LRP1B: variants seen among roughly 807,000 people sequenced by gnomAD.
The protein encoded by LRP1B is LDL receptor related protein 1B.
In LRP1B, 217 loss-of-function variants were observed where a neutral mutation model predicts 556.6. That is an observed-to-expected ratio of 0.39 (90% CI 0.35 to 0.44). The LOEUF (loss-of-function observed/expected upper bound fraction) is 0.44. LRP1B is among the 20% of genes least tolerant of loss of function. The probability of loss-of-function intolerance (pLI) is 1.00; values close to 1 mark genes in which losing one functional copy is unlikely to be tolerated. For synonymous variants in LRP1B, 2,047 were observed against 1,865.8 expected (o/e 1.10, Z -2.50); for missense variants, 5,053 against 5,620.8 (o/e 0.90, Z 3.23).
chr2:141,068,122 G>A (rs114387054), intron 7 of LRP1B, among the ~76,000 whole-genome samples: 5 of 151,806 alleles, frequency 3.3e-5, no homozygotes, highest in Non-Finnish European at 7.4e-5. Flanking sequence ...ATTATTTAAC[G>A]TTCTATTTTA....
intron 2 of LRP1B, among the ~76,000 whole-genome samples, chr2:141,786,335 T>C (rs1337038534): frequency 3.3e-5 from 5 of 151,900 alleles, no homozygotes; most frequent in Admixed American, 2.6e-4. Flanking sequence ...ATGGGGATTA[T>C]AGAGAAAGGA....
At chr2:141,000,355 A>C (rs1697381122) in intron 15 of LRP1B, among the ~76,000 whole-genome samples, 1 of 152,122 alleles carries the variant, frequency 6.6e-6, no homozygotes, top group Non-Finnish European at 1.5e-5. Context: ...GTACGATGTA[A>C]CTATGAGGTG....
intron 1 of LRP1B, among the ~76,000 whole-genome samples, chr2:141,922,959 C>A (rs998880030): frequency 6.6e-6 from 1 of 151,700 alleles, no homozygotes; most frequent in African/African-American, 2.4e-5. Context: ...ATTATCTGGG[C>A]GTAGTGGTGC....
At chr2:140,501,931 A>C in intron 54 of LRP1B, 57 bp from the exon 55 acceptor site, 1 of 1,234,196 alleles carries the variant, frequency 8.1e-7, no homozygotes, top group Non-Finnish European at 1.1e-6. Flanking sequence ...TTTATACTAC[A>C]GTTGTTGAAA....
At chr2:141,229,628 T>A (rs1002366336) in intron 5 of LRP1B, among the ~76,000 whole-genome samples, 188 bp from the exon 6 acceptor site, 3 of 152,212 alleles carry the variant, frequency 2.0e-5, no homozygotes, top group Admixed American at 6.5e-5. Context: ...GAAAAAAAAA[T>A]TCTGCAGCAC....
At chr2:142,095,478 C>T (rs1706328279) in intron 1 of LRP1B, among the ~76,000 whole-genome samples, 1 of 151,440 alleles carries the variant, frequency 6.6e-6, no homozygotes, top group African/African-American at 2.4e-5. Context: ...TGTGTGTATC[C>T]TTTAATTTTT....
chr2:141,946,952 G>A (rs1210999673), intron 1 of LRP1B, among the ~76,000 whole-genome samples: 1 of 152,094 alleles, frequency 6.6e-6, no homozygotes, highest in African/African-American at 2.4e-5. Context: ...TGTTTCTTAG[G>A]CTGCTAAGCA....
intron 41 of LRP1B, among the ~76,000 whole-genome samples, chr2:140,602,047 T>C (rs565410898): frequency 6.6e-6 from 1 of 152,216 alleles, no homozygotes; most frequent in Non-Finnish European, 1.5e-5. Flanking sequence ...CTTGATACTA[T>C]AGATCTGGAG....
At chr2:141,040,350 G>A (rs937321570) in intron 11 of LRP1B, among the ~76,000 whole-genome samples, 1 of 151,980 alleles carries the variant, frequency 6.6e-6, no homozygotes, top group African/African-American at 2.4e-5. Context: ...TAATTCATTA[G>A]TGTTATCTCA....
At chr2:141,160,043 C>T (rs1281690537) in intron 7 of LRP1B, among the ~76,000 whole-genome samples, 1 of 151,908 alleles carries the variant, frequency 6.6e-6, no homozygotes, top group East Asian at 1.9e-4. Flanking sequence ...ATAGGTGCAG[C>T]AAACCACCAT....
intron 1 of LRP1B, among the ~76,000 whole-genome samples, chr2:141,870,706 T>C (rs1698556972): frequency 6.6e-6 from 1 of 151,898 alleles, no homozygotes; most frequent in African/African-American, 2.4e-5. Context: ...ATATTTGCTG[T>C]AGGAGTCATA....
intron 31 of LRP1B, among the ~76,000 whole-genome samples, chr2:140,819,994 C>T (rs1191440718): frequency 6.6e-6 from 1 of 152,074 alleles, no homozygotes; most frequent in Non-Finnish European, 1.5e-5. Flanking sequence ...TCCATATAAA[C>T]CTTTAAATTA....
intron 1 of LRP1B, among the ~76,000 whole-genome samples, chr2:142,084,946 T>C (rs1309603689): frequency 6.6e-6 from 1 of 152,234 alleles, no homozygotes; most frequent in Non-Finnish European, 1.5e-5. Flanking sequence ...AGTGCATATC[T>C]GACCTTTTTA....
At chr2:141,183,813 C>T (rs1681117777) in intron 7 of LRP1B, among the ~76,000 whole-genome samples, 1 of 152,016 alleles carries the variant, frequency 6.6e-6, no homozygotes, top group South Asian at 2.1e-4. Flanking sequence ...CCCAAGTTCC[C>T]CAAAATATAT....
At chr2:142,029,161 GC>G (rs1229657357) in intron 1 of LRP1B, among the ~76,000 whole-genome samples, 1 of 151,768 alleles carries the variant, frequency 6.6e-6, no homozygotes, top group Non-Finnish European at 1.5e-5. Context: ...CAGTTTCCAG[GC>G]CCTATAACCC....
chr2:141,813,958 T>TA (rs1696443589), intron 1 of LRP1B, among the ~76,000 whole-genome samples: 1 of 152,110 alleles, frequency 6.6e-6, no homozygotes, highest in Admixed American at 6.6e-5. Context: ...TTGACTGGTC[T>TA]ATGAGCCATT....
At chr2:141,281,743 C>G (rs1685516260) in intron 3 of LRP1B, among the ~76,000 whole-genome samples, 1 of 151,884 alleles carries the variant, frequency 6.6e-6, no homozygotes, top group South Asian at 2.1e-4. Context: ...AGGTACAAAA[C>G]TAAAGAGTTA....
At chr2:141,886,845 A>C (rs1341686018) in intron 1 of LRP1B, among the ~76,000 whole-genome samples, 5 of 152,106 alleles carry the variant, frequency 3.3e-5, no homozygotes, top group Non-Finnish European at 7.4e-5. Context: ...ATATTGGTAG[A>C]TAATCTACGC....
chr2:140,506,597 A>G (rs1220487989), intron 53 of LRP1B, among the ~76,000 whole-genome samples, 199 bp downstream of exon 53: 2 of 152,208 alleles, frequency 1.3e-5, no homozygotes, highest in African/African-American at 4.8e-5. Context: ...TATACTGCAA[A>G]CAGGTATGAT....
Sources: gnomAD v4.1 joint callset for allele counts (sites outside exome capture counted in the v4.1 genomes callset) on GRCh38, gnomAD v4.1.1 for gene constraint, MANE v1.5 for transcripts, NCBI Gene and HGNC (gene_info 2026-07-23, HGNC 2026-07-21) for gene names.